Variants in FYN observed in about 807,000 individuals in gnomAD.
The protein encoded by FYN is FYN proto-oncogene, Src family tyrosine kinase.
Under a neutral mutation model 70.2 loss-of-function variants are expected in FYN, and 10 were observed. That is an observed-to-expected ratio of 0.14 (90% CI 0.09 to 0.24). The LOEUF is 0.24. Ranked by LOEUF, FYN falls within the 10% of genes least tolerant of loss-of-function variation. The pLI, the probability that FYN is intolerant of heterozygous loss-of-function variation, is 1.00. For missense variants in FYN, 319 were observed against 673.1 expected (o/e 0.47, Z 5.82); for synonymous variants, 236 against 248.6 (o/e 0.95, Z 0.48).
At chr6:111,663,003 C>A (rs564755920) in intron 13 of FYN, among the ~76,000 whole-genome samples, 1 of 152,344 alleles carries the variant, frequency 6.6e-6, no homozygotes, top group South Asian at 2.1e-4. Context: ...TGCACACTGG[C>A]TGCCTTAACA....
chr6:111,786,405 C>G (rs1302007404), intron 2 of FYN, among the ~76,000 whole-genome samples: 1 of 152,180 alleles, frequency 6.6e-6, no homozygotes, highest in Non-Finnish European at 1.5e-5. Flanking sequence ...TTTTTTATGG[C>G]TGCATAGTAT....
chr6:111,825,506 C>T (rs1261830336), intron 2 of FYN, among the ~76,000 whole-genome samples: 1 of 152,178 alleles, frequency 6.6e-6, no homozygotes, highest in Non-Finnish European at 1.5e-5. Context: ...ATCTCAATAC[C>T]TACCACACAG....
intron 8 of FYN, 27 bp from the exon 9 acceptor site, chr6:111,700,295 A>G (rs1170984753): frequency 6.2e-7 from 1 of 1,612,078 alleles, no homozygotes; most frequent in Admixed American, 1.7e-5. Context: ...GGGGCAGGAG[A>G]GGGAGAGAAG....
intron 3 of FYN, among the ~76,000 whole-genome samples, chr6:111,739,917 G>A (rs1194210365): frequency 6.6e-6 from 1 of 152,140 alleles, no homozygotes; most frequent in Non-Finnish European, 1.5e-5. Flanking sequence ...TCTGTCTCCT[G>A]GGTTCAAATA....
chr6:111,755,436 A>G (rs984542738), intron 3 of FYN, among the ~76,000 whole-genome samples: 8 of 152,226 alleles, frequency 5.3e-5, no homozygotes, highest in African/African-American at 1.9e-4. Context: ...ATACAGTGAG[A>G]GATTTTAATA....
At chr6:111,797,310 C>G (rs548216909) in intron 2 of FYN, among the ~76,000 whole-genome samples, 1 of 152,126 alleles carries the variant, frequency 6.6e-6, no homozygotes, top group East Asian at 1.9e-4. Context: ...AAACAGGATA[C>G]GGAATATTAA....
At chr6:111,789,308 T>C (rs1019227075) in intron 2 of FYN, among the ~76,000 whole-genome samples, 1 of 152,030 alleles carries the variant, frequency 6.6e-6, no homozygotes, top group Non-Finnish European at 1.5e-5. Flanking sequence ...ACTGGAGAGA[T>C]AAAGATTTGG....
chr6:111,809,639 C>T (rs1437301882), intron 2 of FYN, among the ~76,000 whole-genome samples: 2 of 152,212 alleles, frequency 1.3e-5, no homozygotes, highest in East Asian at 1.9e-4. Flanking sequence ...GTGACACCCT[C>T]CAACACCTGC....
At chr6:111,857,844 C>A (rs1773863368) in intron 1 of FYN, among the ~76,000 whole-genome samples, 1 of 152,146 alleles carries the variant, frequency 6.6e-6, no homozygotes, top group Non-Finnish European at 1.5e-5. Context: ...AGGGAGATTA[C>A]AGACCATCAC....
At chr6:111,808,902 G>C (rs1226214686) in intron 2 of FYN, among the ~76,000 whole-genome samples, 2 of 152,186 alleles carry the variant, frequency 1.3e-5, no homozygotes, top group Non-Finnish European at 2.9e-5. Context: ...TATTTATGGA[G>C]CACCTATTCC....
chr6:111,833,168 T>C (rs1047428720), intron 2 of FYN, among the ~76,000 whole-genome samples: 1 of 139,920 alleles, frequency 7.1e-6, no homozygotes, highest in Non-Finnish European at 1.5e-5. Context: ...TAATCTGCTA[T>C]TTAAAATATG....
intron 1 of FYN, among the ~76,000 whole-genome samples, chr6:111,871,836 T>C (rs971695970): frequency 1.3e-5 from 2 of 152,186 alleles, no homozygotes; most frequent in African/African-American, 4.8e-5. Context: ...TAAGAAACAC[T>C]GCAGCTGCCA....
intron 3 of FYN, among the ~76,000 whole-genome samples, chr6:111,745,348 G>C (rs1802159590): frequency 6.6e-6 from 1 of 152,298 alleles, no homozygotes; most frequent in Non-Finnish European, 1.5e-5. Flanking sequence ...TTGAAGCTTG[G>C]GCATGTGACT....
intron 2 of FYN, among the ~76,000 whole-genome samples, chr6:111,808,366 G>A (rs1291015929): frequency 6.6e-6 from 1 of 152,176 alleles, no homozygotes; most frequent in Non-Finnish European, 1.5e-5. Context: ...GGGTGGCTCT[G>A]TTATACCTAA....
intron 3 of FYN, among the ~76,000 whole-genome samples, chr6:111,767,246 A>C (rs1340339281): frequency 1.3e-5 from 2 of 152,198 alleles, no homozygotes; most frequent in African/African-American, 4.8e-5. Context: ...AAACAAGAGT[A>C]AAAATCAGGT....
At chr6:111,714,936 G>A (rs1227355476) in intron 4 of FYN, among the ~76,000 whole-genome samples, 1 of 152,134 alleles carries the variant, frequency 6.6e-6, no homozygotes, top group South Asian at 2.1e-4. Flanking sequence ...GAAATTTAGA[G>A]AAGACCGTTT....
At chr6:111,669,678 T>C (rs1798178152) in intron 13 of FYN, among the ~76,000 whole-genome samples, 1 of 152,130 alleles carries the variant, frequency 6.6e-6, no homozygotes, top group African/African-American at 2.4e-5. Context: ...TGGAATGCAG[T>C]TAAAAGGCTT....
chr6:111,714,675 C>T (rs1484099519), intron 4 of FYN, among the ~76,000 whole-genome samples: 1 of 152,116 alleles, frequency 6.6e-6, no homozygotes, highest in Non-Finnish European at 1.5e-5. Context: ...ACCTGAAGGG[C>T]TTCTTTCTGT....
chr6:111,728,044 G>C (rs1001635518), intron 3 of FYN, among the ~76,000 whole-genome samples: 2 of 152,176 alleles, frequency 1.3e-5, no homozygotes, highest in Non-Finnish European at 2.9e-5. Flanking sequence ...ACTGAATGCT[G>C]GAACCAGTCC....
Sources: allele counts gnomAD v4.1 joint callset (sites outside exome capture counted in the v4.1 genomes callset), GRCh38; gene constraint gnomAD v4.1.1; transcripts MANE v1.5; gene names NCBI Gene and HGNC (gene_info 2026-07-23, HGNC 2026-07-21).